Variants in NEU4 observed in about 807,000 individuals in gnomAD.
The protein encoded by NEU4 is sialidase-4.
A neutral mutation model predicts 9.9 loss-of-function variants in NEU4; 7 were observed. That is an observed-to-expected ratio of 0.71 (90% CI 0.40 to 1.33). The LOEUF (loss-of-function observed/expected upper bound fraction) is 1.33, where lower values mean the gene tolerates loss of function less well. Ranked by LOEUF, NEU4 falls within the 40% of genes most tolerant of loss-of-function variation. The pLI is 0.01. For missense variants in NEU4, 717 were observed against 712.6 expected (o/e 1.01, Z -0.07); for synonymous variants, 348 against 316.9 (o/e 1.10, Z -1.04).
intron 1 of NEU4, chr2:241,810,828 GCGGGGA>G (rs1193795767): frequency 0.047 from 27,477 of 584,554 alleles, 4,999 homozygotes; most frequent in Admixed American, 0.16. Context: ...CAGGAGTCCT[GCGGGGA>G]CAGGCTGGGG....
chr2:241,816,729 T>C lies in NEU4; in HGVS notation c.1136T>C (p.Leu379Pro). 1 of 1,562,960 alleles carries C rather than the reference T, an allele frequency of 6.4e-7. No individual in the cohort carries two copies. The highest frequency in any genetic ancestry group is 8.7e-7 in the Non-Finnish European group (1 of 1,155,428). ...CCGCCCCAGAGCCCCACGTGGCTGC[T>C]GTACTCCCACCCAGTGGGGCGCAGG... ...AAPPQSPTWLLYSHPVGRRAR... is the reference protein window; with the variant it reads ...AAPPQSPTWLPYSHPVGRRAR... The change falls in exon 4 of 4, where the codon CTG becomes CCG. Residue 379 changes from leucine (L) to proline (P), a missense_variant. Coordinates refer to ENST00000407683, the MANE Select transcript of NEU4 (RefSeq NM_001167600.3).
rs879880927 is a variant in NEU4 at position 241,817,308 on chromosome 2, G to T, written c.*260G>T. On this transcript the variant is annotated 3_prime_UTR_variant, in exon 4 of 4. Transcript: ENST00000407683. ...ACCCCCACAGCTCCCTTCCGAGGCT[G>T]CAGGGCCAGGCGCGGGACCGCAGGT... The T allele has an allele frequency of 4.1e-5, 19 of 468,190 alleles. No homozygotes were observed. The highest frequency in any genetic ancestry group is 6.7e-5 in the Non-Finnish European group (18 of 270,316). 29.0% of individuals were successfully genotyped at this position (468,190 alleles called of 1,614,324 possible). A position where few individuals can be genotyped will look rare whatever the true frequency, so the allele number is the denominator to read the frequency against.
At chr2:241,815,236 C>T (rs1300304260) in intron 3 of NEU4, 89 bp downstream of exon 3, 3 of 1,413,278 alleles carry the variant, frequency 2.1e-6, no homozygotes, top group African/African-American at 1.4e-5. Flanking sequence ...CCATTCTGCC[C>T]CACCCCTGTC....
At chr2:241,811,576 C>A in intron 1 of NEU4, 2 of 921,198 alleles carry the variant, frequency 2.2e-6, no homozygotes, top group Non-Finnish European at 1.5e-6. Context: ...TCTGGGGGTG[C>A]TGGACGAGTC....
chr2:241,815,734 C>T, intron 3 of NEU4: 1 of 567,426 alleles, frequency 1.8e-6, no homozygotes, highest in Non-Finnish European at 3.2e-6. Context: ...GGGAGTGCAG[C>T]AGACACATGG....
In NEU4 at chr2:241,817,328, G is replaced by A. The variant is rs956199542; in HGVS notation, c.*280G>A. 1.5e-5 allele frequency: 7 copies of A among 458,078 alleles called. No individual in the cohort carries two copies. The highest frequency in any genetic ancestry group is 5.9e-5 in the South Asian group (1 of 16,998). The allele number at this position is 458,078 out of a possible 1,614,324, so 28.4% of individuals were successfully genotyped here. On this transcript the variant is annotated 3_prime_UTR_variant, in exon 4 of 4. Coordinates refer to ENST00000407683, the MANE Select transcript of NEU4 (RefSeq NM_001167600.3). Reference sequence around the variant, plus strand: ...AGGCTGCAGGGCCAGGCGCGGGACCGCAGGTAGCCCAGGGTGTTGTGGGTG... The same window carrying A: ...AGGCTGCAGGGCCAGGCGCGGGACCACAGGTAGCCCAGGGTGTTGTGGGTG...
chr2:241,814,566 C>G lies in NEU4; in HGVS notation c.82C>G (p.Leu28Val). 1 of 1,612,548 alleles carries G rather than the reference C, an allele frequency of 6.2e-7. No homozygotes were observed. Among genetic ancestry groups the G allele is most frequent in the Non-Finnish European group, 8.5e-7 (1 of 1,179,888 alleles). ...TGLTYRVPSL[L>V]PVPPGPTLLA... is the part of the protein sequence containing the mutation. Reference sequence around the variant, plus strand: ...CCTGACCTACCGCGTGCCCTCGCTGCTCCCCGTGCCCCCCGGGCCCACCCT... The same window carrying G: ...CCTGACCTACCGCGTGCCCTCGCTGGTCCCCGTGCCCCCCGGGCCCACCCT... The change falls in exon 2 of 4, where the codon CTC (leucine) becomes GTC (valine). Residue 28 changes from leucine (L) to valine (V), a missense_variant. By Grantham distance (32) the Leu-to-Val change is conservative (BLOSUM62 1). Coordinates refer to ENST00000407683, the MANE Select transcript of NEU4 (RefSeq NM_001167600.3).
chr2:241,814,509 C>T lies in NEU4; in HGVS notation c.25C>T (p.Arg9Trp), dbSNP rs773696951. Residue 9 changes from arginine (R) to tryptophan (W), a missense_variant, in exon 2 of 4, where the codon CGG becomes TGG. Coordinates refer to ENST00000407683, the MANE Select transcript of NEU4 (RefSeq NM_001167600.3). ...CATGGGGGTCCCTCGTACCCCTTCA[C>T]GGACAGTGCTCTTCGAGCGGGAGAG... MGVPRTPS[R>W]TVLFERERTG... is the part of the protein sequence containing the mutation. 32 of 1,611,080 alleles carry T rather than the reference C, an allele frequency of 2.0e-5. No individual in the cohort carries two copies. The highest frequency in any genetic ancestry group is 2.2e-5 in the East Asian group (1 of 44,882).
At chr2:241,810,201 A>C (rs1700068583) in intron 1 of NEU4, among the ~76,000 whole-genome samples, 3 of 152,152 alleles carry the variant, frequency 2.0e-5, no homozygotes, top group Admixed American at 2.0e-4. Flanking sequence ...GTGAGTGCAC[A>C]GGACACTGGG....
At chr2:241,811,852 T>G in intron 1 of NEU4, 5 of 203,010 alleles carry the variant, frequency 2.5e-5, no homozygotes, top group East Asian at 1.1e-4. Flanking sequence ...GGGGACGCTC[T>G]ACCAGGTGAA....
At chr2:241,811,249 G>A (rs912089541) in intron 1 of NEU4, 46 of 1,254,742 alleles carry the variant, frequency 3.7e-5, no homozygotes, top group African/African-American at 1.1e-4. Flanking sequence ...GGTCCCGGGC[G>A]TCTGTGTGGC....
At chr2:241,809,621 G>C in intron 1 of NEU4, 1 of 261,754 alleles carries the variant, frequency 3.8e-6, no homozygotes, top group Admixed American at 5.1e-5. Flanking sequence ...GTGGGCCATG[G>C]GGTGACAGTT....
intron 1 of NEU4, chr2:241,809,508 C>T (rs1031734391): frequency 2.7e-5 from 9 of 337,850 alleles, no homozygotes; most frequent in Admixed American, 4.3e-5. Context: ...CGTGGCCCCT[C>T]GGCTGCCAGA....
intron 1 of NEU4, chr2:241,811,600 A>T: frequency 1.5e-6 from 1 of 670,956 alleles, no homozygotes; most frequent in Non-Finnish European, 2.2e-6. Flanking sequence ...CTCCTTGCCA[A>T]CCCCAGGGTG....
At chr2:241,812,963 G>C (rs1006063877) in intron 1 of NEU4, among the ~76,000 whole-genome samples, 1 of 152,192 alleles carries the variant, frequency 6.6e-6, no homozygotes, top group Non-Finnish European at 1.5e-5. Context: ...CCTGCTTCCC[G>C]CTTGGGCACA....
At chr2:241,809,587 G>GGACCTCT (rs1700048783) in intron 1 of NEU4, 7 of 323,838 alleles carry the variant, frequency 2.2e-5, no homozygotes, top group Non-Finnish European at 4.2e-5. Flanking sequence ...AGCCCCAGAT[G>GGACCTCT]GGCCCAGGGA....
chr2:241,816,361 G>A lies in NEU4; in HGVS notation c.768G>A (p.Glu256=). The part of the protein sequence containing the change: ...GSRVQALSTD[E]GTSFLPAERV... ...GTGTGCAGGCGCTCAGCACTGACGAGGGCACCTCCTTCCTGCCCGCAGAGC... is the reference window on the plus strand; with the variant it reads ...GTGTGCAGGCGCTCAGCACTGACGAAGGCACCTCCTTCCTGCCCGCAGAGC... The change falls in exon 4 of 4, where the codon GAG becomes GAA. Residue 256 remains glutamate, a synonymous_variant. Coordinates refer to ENST00000407683, the MANE Select transcript of NEU4 (RefSeq NM_001167600.3). The A allele has an allele frequency of 6.3e-7, 1 of 1,589,376 alleles. No homozygotes were observed. Among genetic ancestry groups the A allele is most frequent in the Non-Finnish European group, 8.5e-7 (1 of 1,171,078 alleles).
In NEU4 at chr2:241,815,109, G is replaced by C. The variant is rs749431881; in HGVS notation, c.419G>C (p.Arg140Pro). 1.9e-6 allele frequency: 3 copies of C among 1,575,896 alleles called. No individual in the cohort carries two copies. In the African/African-American group the frequency reaches 4.0e-5, roughly 21 times the overall value. ...RDAGLSWGSA[R>P]DLTEEAIGGA... ...GCCGGCCTCTCGTGGGGCAGCGCCC[G>C]GGACCTCACCGAGGAGGCCATCGGT... Residue 140 changes from arginine (R) to proline (P), a missense_variant, in exon 3 of 4, where the codon CGG becomes CCG. Physicochemically the swap from Arg to Pro is moderately radical, Grantham distance 103. Transcript: ENST00000407683.
intron 3 of NEU4, chr2:241,815,541 A>G (rs1440588444): frequency 2.2e-5 from 11 of 498,608 alleles, no homozygotes; most frequent in Non-Finnish European, 4.4e-5. Context: ...TTATCTGCAG[A>G]GGAGAAGGCT....
Sources: gnomAD v4.1 joint callset for allele counts (sites outside exome capture counted in the v4.1 genomes callset) on GRCh38, gnomAD v4.1.1 for gene constraint, MANE v1.5 for transcripts, NCBI Gene and HGNC (gene_info 2026-07-23, HGNC 2026-07-21) for gene names.